Variants in AXIN1 observed in about 807,000 individuals in gnomAD.
The protein encoded by AXIN1 is axin-1.
AXIN1 carries 30 observed loss-of-function variants against 76.4 expected under a neutral mutation model. The ratio of observed to expected loss-of-function variants is 0.39; its 90% CI spans 0.29 to 0.53. The LOEUF is 0.53. AXIN1 is among the 20% of genes least tolerant of loss of function. The pLI is 0.66. For synonymous variants in AXIN1, 545 were observed against 501.4 expected (o/e 1.09, Z -1.16); for missense variants, 1,140 against 1,198.8 (o/e 0.95, Z 0.72).
At chr16:351,924 C>G (rs1376975146) in intron 1 of AXIN1, among the ~76,000 whole-genome samples, 1 of 152,084 alleles carries the variant, frequency 6.6e-6, no homozygotes, top group Non-Finnish European at 1.5e-5. Flanking sequence ...GAACCACACC[C>G]AAGAGAAAGA....
At chr16:318,092 C>T (rs1009265596) in intron 2 of AXIN1, among the ~76,000 whole-genome samples, 4 of 152,226 alleles carry the variant, frequency 2.6e-5, no homozygotes, top group Non-Finnish European at 4.4e-5. Context: ...TGTCTTGGCA[C>T]GCACTGGAAG....
chr16:319,591 CAGA>C (rs1415670733), intron 2 of AXIN1, among the ~76,000 whole-genome samples: 1 of 152,188 alleles, frequency 6.6e-6, no homozygotes, highest in Non-Finnish European at 1.5e-5. Flanking sequence ...CAGGGCCACA[CAGA>C]AGGTCTCCCC....
rs545098244 is a variant in AXIN1, at chr16:303,672, T to G, written c.1254+632A>C. ...TGCTGGGATTACAGGTGTGAGCCAC[T>G]CGCCCGCCCGTTTCCCTTTTTACCT... On this transcript the variant is annotated intron_variant, in intron 5 of 10. Transcript: ENST00000262320. 1.9e-3 allele frequency among the ~76,000 whole-genome samples: 292 copies of G among 152,116 alleles called. 2 individuals carry two copies. Among genetic ancestry groups the G allele is most frequent in the African/African-American group, 6.5e-3 (269 of 41,506 alleles).
At chr16:326,638 C>T (rs187495983) in intron 2 of AXIN1, among the ~76,000 whole-genome samples, 3,400 of 150,262 alleles carry the variant, frequency 0.023, 47 homozygotes, top group Non-Finnish European at 0.037. Context: ...CCCAGCTACT[C>T]GGGAGGCTGA....
intron 2 of AXIN1, among the ~76,000 whole-genome samples, chr16:339,100 G>C (rs1479630942): frequency 6.6e-6 from 1 of 151,406 alleles, no homozygotes; most frequent in Non-Finnish European, 1.5e-5. Context: ...CCTTTGGGCA[G>C]GGTGTGGTGG....
intron 5 of AXIN1, among the ~76,000 whole-genome samples, chr16:302,235 C>A (rs1205545566): frequency 1.3e-5 from 2 of 152,350 alleles, no homozygotes; most frequent in African/African-American, 4.8e-5. Context: ...TATTGGAGGA[C>A]AAATTCCCTG....
chr16:319,667 G>C (rs1194075508), intron 2 of AXIN1, among the ~76,000 whole-genome samples: 2 of 152,228 alleles, frequency 1.3e-5, no homozygotes, highest in Non-Finnish European at 2.9e-5. Flanking sequence ...GCACCTCTCT[G>C]GGACTCCCGC....
intron 9 of AXIN1, chr16:290,516 C>T (rs938717489): frequency 4.4e-5 from 7 of 160,816 alleles, no homozygotes; most frequent in South Asian, 3.5e-4. Flanking sequence ...ACCGCCTACA[C>T]GATGAGGGCC....
At chr16:309,702 T>C (rs995293197) in intron 4 of AXIN1, among the ~76,000 whole-genome samples, 2 of 152,178 alleles carry the variant, frequency 1.3e-5, no homozygotes, top group African/African-American at 2.4e-5. Context: ...GGCAAGACAC[T>C]TCCTGCCACC....
At chr16:291,101 C>T in intron 9 of AXIN1, 89 bp downstream of exon 9, 1 of 1,285,780 alleles carries the variant, frequency 7.8e-7, no homozygotes, top group Admixed American at 2.0e-5. Context: ...CGAGCTCAAG[C>T]CCCGGGACGG....
chr16:332,516 C>T (rs2053714296), intron 2 of AXIN1, among the ~76,000 whole-genome samples: 1 of 149,842 alleles, frequency 6.7e-6, no homozygotes, highest in Admixed American at 6.7e-5. Flanking sequence ...GTGGAGGTTG[C>T]AGTGAGCTGA....
chr16:337,610 G>A lies in AXIN1; in HGVS notation c.878+8538C>T, dbSNP rs142938760. ...CACTGCAGCTCACAGTGAGGACAGC[G>A]CCTGCCAGGACACCCGGACGCCCAG... On this transcript the variant is annotated intron_variant, in intron 2 of 10. Transcript: ENST00000262320. Among the ~76,000 whole-genome samples, 749 of 152,014 alleles carry A rather than the reference G, an allele frequency of 4.9e-3. 7 individuals are homozygous for A. Among genetic ancestry groups the A allele is most frequent in the African/African-American group, 0.017 (711 of 41,464 alleles).
In AXIN1 at chr16:293,411, GC is replaced by G. The variant is rs2052622762; in HGVS notation, c.2186+76del. The G allele has an allele frequency of 6.9e-7, 1 of 1,449,592 alleles. No homozygotes were observed. Among genetic ancestry groups the G allele is most frequent in the Non-Finnish European group, 9.5e-7 (1 of 1,053,792 alleles). 89.8% of individuals were successfully genotyped at this position (1,449,592 alleles called of 1,614,324 possible). On this transcript the variant is annotated intron_variant, in intron 8 of 10. Coordinates refer to ENST00000262320, the MANE Select transcript of AXIN1 (RefSeq NM_003502.4). This position sits in a 1 kb window ranked among gnomAD's most constrained non-coding sequence, Gnocchi z 4.6. ...GCCGTTTTTCCCCTGAAGACCTCAG[GC>G]CTCGGGGAGCTTCAGCCCCAGGAGT...
chr16:309,875 G>A (rs1273350764), intron 4 of AXIN1, 98 bp downstream of exon 4: 7 of 1,204,680 alleles, frequency 5.8e-6, no homozygotes, highest in South Asian at 1.3e-5. Context: ...AGCCTGGCTC[G>A]TGGGAGGCCA....
chr16:297,142 C>T lies in AXIN1; in HGVS notation c.1869G>A (p.Ser623=), dbSNP rs151247222. The T allele has an allele frequency of 8.4e-5, 136 of 1,612,674 alleles. No homozygotes were observed. In the African/African-American group the frequency reaches 1.5e-3, roughly 18 times the overall value. ...TTTTCTGGTTCTTCTCCGCATCCTC[C>T]GAGGCACCTGGCACCTCGGTGCTGG... The part of the protein sequence containing the change: ...KSASTEVPGA[S]EDAEKNQKIM... The change falls in exon 7 of 11, where the codon TCG becomes TCA. Residue 623 remains serine, a synonymous_variant. Coordinates refer to ENST00000262320, the MANE Select transcript of AXIN1 (RefSeq NM_003502.4).
intron 2 of AXIN1, among the ~76,000 whole-genome samples, chr16:334,626 T>C (rs911174023): frequency 1.5e-4 from 22 of 148,422 alleles, no homozygotes; most frequent in Admixed American, 1.3e-4. Flanking sequence ...CAGCACCCAG[T>C]AGCACAGCAC....
chr16:304,573 C>T, intron 4 of AXIN1, 132 bp from the exon 5 acceptor site: 1 of 1,405,134 alleles, frequency 7.1e-7, no homozygotes, highest in East Asian at 2.5e-5. Context: ...CTTGCTCTGT[C>T]ACCCAGGCTG....
chr16:345,866 G>A (rs1353915638), intron 2 of AXIN1, among the ~76,000 whole-genome samples: 1 of 152,204 alleles, frequency 6.6e-6, no homozygotes, highest in Non-Finnish European at 1.5e-5. Context: ...GAAGGGTAAA[G>A]TTTACATGTC....
chr16:317,429 C>T (rs1327578956), intron 2 of AXIN1, among the ~76,000 whole-genome samples: 4 of 152,186 alleles, frequency 2.6e-5, no homozygotes, highest in South Asian at 2.1e-4. Flanking sequence ...GGACCCCATG[C>T]CACAATGGAA....
Sources: gnomAD v4.1 joint callset for allele counts (sites outside exome capture counted in the v4.1 genomes callset) on GRCh38, gnomAD v4.1.1 for gene constraint, Gnocchi (gnomAD v3.1) non-coding constraint, MANE v1.5 for transcripts, NCBI Gene and HGNC (gene_info 2026-07-23, HGNC 2026-07-21) for gene names.